TMTC2: variants seen among roughly 807,000 people sequenced by gnomAD.
TMTC2 encodes the protein transmembrane O-mannosyltransferase targeting cadherins 2, also known as protein O-mannosyl-transferase TMTC2.
Under a neutral mutation model 82.4 loss-of-function variants are expected in TMTC2, and 43 were observed. That is an observed-to-expected ratio of 0.52 (90% CI 0.41 to 0.67). TMTC2 has a LOEUF of 0.67. Among genes scored for constraint, TMTC2 ranks in the 30% least tolerant of loss-of-function variants. The pLI, the probability that TMTC2 is intolerant of heterozygous loss-of-function variation, is 0.00. For synonymous variants in TMTC2, 408 were observed against 381.9 expected, an observed-to-expected ratio of 1.07 and a Z score of -0.80; for missense variants, 919 against 1,012.4, an observed-to-expected ratio of 0.91 and a Z score of 1.25.
intron 2 of TMTC2, among the ~76,000 whole-genome samples, chr12:82,876,150 GGTGGTAGTGGTGGTA>G (rs1872558788): frequency 6.9e-6 from 1 of 145,864 alleles, no homozygotes; most frequent in South Asian, 2.1e-4. Flanking sequence ...TGGTGGTGGT[GGTGGTAGTGGTGGTA>G]GTGTTGTTGA....
intron 7 of TMTC2, among the ~76,000 whole-genome samples, chr12:82,975,900 A>ATTTT (rs1565835768): frequency 3.4e-5 from 5 of 146,146 alleles, no homozygotes; most frequent in African/African-American, 1.3e-4. Context: ...TTTTTTTTAA[A>ATTTT]AAAAAAATAA....
chr12:82,970,514 T>C (rs2137312183), intron 7 of TMTC2, among the ~76,000 whole-genome samples: 1 of 148,486 alleles, frequency 6.7e-6, no homozygotes. Flanking sequence ...TTTGTATTTT[T>C]AGTAGAGACG....
Position 82,896,477 on chromosome 12 carries a change from T to C in TMTC2, c.1314T>C (p.Gly438=), listed in dbSNP as rs762668424. The stretch of plus-strand genomic sequence containing the variant: ...GCTTCTGCCTACTGATTACAGTGGG[T>C]GCTAGAGCCCTTTATGTCAAAGTCC... ...SMGFCLLITV[G]ARALYVKVQK... Residue 438 remains glycine (G), a synonymous_variant, in exon 3 of 12, where the codon GGT becomes GGC. Coordinates refer to ENST00000321196, the MANE Select transcript of TMTC2 (RefSeq NM_152588.3). 9.9e-6 allele frequency: 16 copies of C among 1,614,078 alleles called. No individual in the cohort carries two copies. Among genetic ancestry groups the C allele is most frequent in the Non-Finnish European group, 1.4e-5 (16 of 1,180,056 alleles).
chr12:82,947,345 C>CTT (rs1195188141), intron 4 of TMTC2, among the ~76,000 whole-genome samples: 17 of 134,380 alleles, frequency 1.3e-4, no homozygotes, highest in Non-Finnish European at 2.1e-4. Context: ...CTTTTTTTTT[C>CTT]TTTTTTTTTT....
At chr12:82,839,846 C>T (rs1476942250) in intron 1 of TMTC2, among the ~76,000 whole-genome samples, 1 of 152,112 alleles carries the variant, frequency 6.6e-6, no homozygotes, top group African/African-American at 2.4e-5. Context: ...TTTTGATCAC[C>T]TCACTTAACC....
intron 7 of TMTC2, among the ~76,000 whole-genome samples, chr12:82,968,339 C>T (rs1052106378): frequency 6.6e-6 from 1 of 151,992 alleles, no homozygotes; most frequent in African/African-American, 2.4e-5. Context: ...AGCATTTCAC[C>T]ATCAATCTGT....
chr12:82,713,762 C>T (rs959857266), intron 1 of TMTC2, among the ~76,000 whole-genome samples: 9 of 152,170 alleles, frequency 5.9e-5, no homozygotes, highest in African/African-American at 2.2e-4. Context: ...GACTGTCTGG[C>T]TTCTCATAGT....
At chr12:82,920,295 T>A (rs1246778421) in intron 3 of TMTC2, among the ~76,000 whole-genome samples, 1 of 152,228 alleles carries the variant, frequency 6.6e-6, no homozygotes, top group African/African-American at 2.4e-5. Context: ...AGAGTAAGTT[T>A]GAATTTACTC....
chr12:82,979,334 T>C (rs1339810362), intron 7 of TMTC2, among the ~76,000 whole-genome samples: 2 of 151,702 alleles, frequency 1.3e-5, no homozygotes, highest in Non-Finnish European at 3.0e-5. Flanking sequence ...TTTTTGTACA[T>C]CTTTTATATG....
chr12:82,855,772 T>G (rs888431947), intron 1 of TMTC2, among the ~76,000 whole-genome samples: 2 of 152,254 alleles, frequency 1.3e-5, no homozygotes, highest in East Asian at 3.8e-4. Context: ...AATCCTTTTC[T>G]TTATATTCAC....
intron 11 of TMTC2, among the ~76,000 whole-genome samples, chr12:83,086,192 C>G (rs1395484509): frequency 1.3e-5 from 2 of 152,108 alleles, no homozygotes; most frequent in Non-Finnish European, 2.9e-5. Flanking sequence ...CAGAGGTGCT[C>G]CTCACTTCCC....
intron 8 of TMTC2, among the ~76,000 whole-genome samples, chr12:83,024,814 G>T (rs188014172): frequency 2.6e-5 from 4 of 152,282 alleles, no homozygotes; most frequent in African/African-American, 9.6e-5. Flanking sequence ...AAATGGAGAA[G>T]TTACTACTTT....
intron 1 of TMTC2, among the ~76,000 whole-genome samples, chr12:82,765,196 G>T (rs956746318): frequency 2.0e-5 from 3 of 152,042 alleles, no homozygotes; most frequent in African/African-American, 7.2e-5. Flanking sequence ...ATTTCCCTTT[G>T]GCTTAATGAG....
At chr12:82,729,671 G>T (rs1046167664) in intron 1 of TMTC2, among the ~76,000 whole-genome samples, 3 of 152,212 alleles carry the variant, frequency 2.0e-5, no homozygotes, top group Admixed American at 1.3e-4. Context: ...TTGGCTCTGT[G>T]TAAAATGGAC....
At chr12:82,934,004 A>AT (rs889542826) in intron 4 of TMTC2, among the ~76,000 whole-genome samples, 1 of 152,104 alleles carries the variant, frequency 6.6e-6, no homozygotes, top group East Asian at 1.9e-4. Flanking sequence ...GATAATTTTA[A>AT]TTTTTTTTCT....
chr12:82,876,552 G>A (rs1298216506), intron 2 of TMTC2, among the ~76,000 whole-genome samples: 1 of 152,118 alleles, frequency 6.6e-6, no homozygotes, highest in African/African-American at 2.4e-5. Context: ...AATCTGAAAA[G>A]CTCAATGTGA....
At chr12:82,941,968 A>G (rs1876743461) in intron 4 of TMTC2, among the ~76,000 whole-genome samples, 1 of 151,414 alleles carries the variant, frequency 6.6e-6, no homozygotes, top group Non-Finnish European at 1.5e-5. Context: ...CTGGCCTTGA[A>G]CTCCTGACTT....
chr12:82,741,545 A>T (rs1028192449), intron 1 of TMTC2, among the ~76,000 whole-genome samples: 1 of 152,176 alleles, frequency 6.6e-6, no homozygotes, highest in Non-Finnish European at 1.5e-5. Flanking sequence ...TCCTGACCTC[A>T]TGATCAGCCC....
At chr12:82,737,394 C>T (rs751975587) in intron 1 of TMTC2, among the ~76,000 whole-genome samples, 5 of 152,206 alleles carry the variant, frequency 3.3e-5, no homozygotes, top group African/African-American at 1.2e-4. Context: ...ACGTGCAGCA[C>T]TGTTTAGAAA....
Sources: allele counts gnomAD v4.1 joint callset (sites outside exome capture counted in the v4.1 genomes callset), GRCh38; gene constraint gnomAD v4.1.1; transcripts MANE v1.5; gene names NCBI Gene and HGNC (gene_info 2026-07-23, HGNC 2026-07-21).